The following CUBN variants were observed in gnomAD, a reference collection of about 807,000 sequenced individuals.
CUBN encodes the protein cubilin, also known as 460 kDa receptor.
In CUBN, 282 loss-of-function variants were observed where a neutral mutation model predicts 405.3. The ratio of observed to expected loss-of-function variants is 0.70; its 90% CI spans 0.63 to 0.77. The LOEUF (loss-of-function observed/expected upper bound fraction) is 0.77. CUBN is among the 30% of genes least tolerant of loss of function. The probability of loss-of-function intolerance (pLI) is 0.00; values close to 1 mark genes in which losing one functional copy is unlikely to be tolerated. For synonymous variants in CUBN, 1,684 were observed against 1,617.0 expected (o/e 1.04, Z -0.99); for missense variants, 4,514 against 4,475.2 (o/e 1.01, Z -0.25).
At chr10:17,103,080 A>G (rs1283396222) in intron 13 of CUBN, 45 bp downstream of exon 13, 5 of 997,408 alleles carry the variant, frequency 5.0e-6, no homozygotes, top group East Asian at 2.5e-5. Flanking sequence ...CCATATTTAT[A>G]TATACAAATA....
chr10:16,902,555 G>A (rs1003977678), intron 51 of CUBN, among the ~76,000 whole-genome samples: 2 of 151,818 alleles, frequency 1.3e-5, no homozygotes, highest in South Asian at 4.2e-4. Flanking sequence ...ACTCTTCTTT[G>A]AATCTGATGA....
In CUBN at chr10:16,835,189, T is replaced by C. The variant is rs780850360; in HGVS notation, c.10187A>G (p.Asn3396Ser). The C allele has an allele frequency of 3.7e-6, 6 of 1,613,558 alleles. No individual in the cohort carries two copies. In the Admixed American group the frequency reaches 6.7e-5, roughly 18 times the overall value. The stretch of plus-strand genomic sequence containing the variant: ...GCCAAATGCCTTGTGATAGTCTCTG[T>C]TGCAATCTTAGAGGAAAAATAGGCA... ...MSFTYQIADC[N>S]RDYHKAFGNL... is the part of the protein sequence containing the mutation. Residue 3396 changes from asparagine to serine, a missense_variant, in exon 64 of 67, where the codon AAC (asparagine) becomes AGC (serine). This residue lies in a region of CUBN where 1,186 missense variants were observed against 1,186.9 expected (regional missense o/e 1.00). Coordinates refer to ENST00000377833, the MANE Select transcript of CUBN (RefSeq NM_001081.4).
chr10:17,044,674 G>A (rs969269698), intron 25 of CUBN, among the ~76,000 whole-genome samples: 1 of 151,962 alleles, frequency 6.6e-6, no homozygotes, highest in African/African-American at 2.4e-5. Flanking sequence ...TCTCTACTTC[G>A]CCAAAACTGT....
At chr10:16,987,745 G>GA (rs1213231420) in intron 29 of CUBN, among the ~76,000 whole-genome samples, 1 of 152,190 alleles carries the variant, frequency 6.6e-6, no homozygotes, top group East Asian at 1.9e-4. Flanking sequence ...AGGGAGGGGT[G>GA]AAAAAAACCA....
chr10:16,948,431 T>C (rs768618330), intron 35 of CUBN, 47 bp downstream of exon 35: 1 of 1,611,956 alleles, frequency 6.2e-7, no homozygotes, highest in Non-Finnish European at 8.5e-7. Flanking sequence ...CAAGAATTTC[T>C]ACCACATCCC....
In CUBN at chr10:17,010,241, G is replaced by C. The variant is rs376067956; in HGVS notation, c.4168+9592C>G. Among the ~76,000 whole-genome samples the C allele has an allele frequency of 6.6e-4, 101 of 152,294 alleles. 1 individual carries two copies. Among genetic ancestry groups the C allele is most frequent in the African/African-American group, 2.3e-3 (95 of 41,546 alleles). On this transcript the variant is annotated intron_variant, in intron 28 of 66. Coordinates refer to ENST00000377833, the MANE Select transcript of CUBN (RefSeq NM_001081.4). ...TCTCTTTTCACACTGTCTCTAGTTA[G>C]AATCATGTGTTTCAGAATCACGGAA...
chr10:16,933,812 C>T (rs1842425101), intron 39 of CUBN, among the ~76,000 whole-genome samples: 1 of 152,052 alleles, frequency 6.6e-6, no homozygotes, highest in Non-Finnish European at 1.5e-5. Context: ...ATCTCCTTCC[C>T]CATTTTTTCC....
chr10:17,117,827 A>G (rs1289301226), intron 6 of CUBN, among the ~76,000 whole-genome samples: 1 of 152,146 alleles, frequency 6.6e-6, no homozygotes, highest in African/African-American at 2.4e-5. Flanking sequence ...CTAGGTTTAA[A>G]TTTTGGTCCT....
intron 63 of CUBN, 91 bp downstream of exon 63, chr10:16,836,144 G>A (rs1243634002): frequency 2.4e-6 from 3 of 1,245,870 alleles, no homozygotes; most frequent in Non-Finnish European, 3.5e-6. Flanking sequence ...TTTACTCACA[G>A]GAGTCAATTC....
At chr10:16,877,878 C>T (rs1218823495) in intron 56 of CUBN, among the ~76,000 whole-genome samples, 1 of 152,194 alleles carries the variant, frequency 6.6e-6, no homozygotes, top group East Asian at 1.9e-4. Flanking sequence ...AAAATATTAA[C>T]TTGGATCATA....
At chr10:16,916,976 G>A (rs1001343390) in intron 45 of CUBN, among the ~76,000 whole-genome samples, 6 of 151,738 alleles carry the variant, frequency 4.0e-5, no homozygotes, top group Non-Finnish European at 7.4e-5. Flanking sequence ...ACCATGCCTG[G>A]CTAATTTTTG....
intron 17 of CUBN, among the ~76,000 whole-genome samples, chr10:17,081,935 C>A (rs1475684975): frequency 6.6e-6 from 1 of 151,104 alleles, no homozygotes; most frequent in Admixed American, 6.6e-5. Flanking sequence ...TTTAAATCAC[C>A]GTACATGACC....
rs772750911 is a variant in CUBN at position 16,982,621 on chromosome 10, C to T, written c.4558G>A (p.Glu1520Lys). 3.7e-6 allele frequency: 6 copies of T among 1,613,438 alleles called. No homozygotes were observed. In the East Asian group the frequency reaches 1.1e-4, roughly 30 times the overall value. The change falls in exon 31 of 67, where the codon GAG becomes AAG. Residue 1520 changes from glutamate (E) to lysine (K), a missense_variant. By Grantham distance (56) the Glu-to-Lys change is moderately conservative (BLOSUM62 1). Transcript: ENST00000377833. ...CTGGGGTAATTTGGAGAATGAATCT[C>T]TCCACTGGGAGCCTGGAAAATCCCA... ...CGGIFQAPSG[E>K]IHSPNYPSPY...
intron 65 of CUBN, among the ~76,000 whole-genome samples, chr10:16,830,596 C>A (rs949851186): frequency 1.3e-5 from 2 of 152,088 alleles, no homozygotes; most frequent in African/African-American, 4.8e-5. Flanking sequence ...CATATATATG[C>A]CAGAATGTGT....
rs1292334021 is a variant in CUBN, at chr10:16,876,923, C to T, written c.9080G>A (p.Gly3027Glu). 1.2e-6 allele frequency: 2 copies of T among 1,614,122 alleles called. No homozygotes were observed. Among genetic ancestry groups the T allele is most frequent in the South Asian group, 1.1e-5 (1 of 91,070 alleles). Residue 3027 changes from glycine (G) to glutamate (E), a missense_variant, in exon 57 of 67, where the codon GGA (glycine) becomes GAA (glutamate). Gly to Glu is a moderately conservative substitution (Grantham distance 98, BLOSUM62 -2). Coordinates refer to ENST00000377833, the MANE Select transcript of CUBN (RefSeq NM_001081.4). ...FYSNEQITDF[G>E]FKFSYRIISC... ...GATTATCCTATAGGAAAACTTGAATCCGAAGTCTGTGATTTGCTCGTTGGA... is the reference window on the plus strand; with the variant it reads ...GATTATCCTATAGGAAAACTTGAATTCGAAGTCTGTGATTTGCTCGTTGGA...
chr10:17,009,464 C>G (rs1242889233), intron 28 of CUBN, among the ~76,000 whole-genome samples: 1 of 152,220 alleles, frequency 6.6e-6, no homozygotes, highest in Non-Finnish European at 1.5e-5. Context: ...CCCATTGATA[C>G]AGTAATCTGG....
intron 36 of CUBN, among the ~76,000 whole-genome samples, chr10:16,945,515 C>T (rs978730697): frequency 6.6e-6 from 1 of 152,028 alleles, no homozygotes; most frequent in Non-Finnish European, 1.5e-5. Context: ...TGCCTGTAAT[C>T]CCAGCACTTT....
chr10:16,840,938 C>T lies in CUBN; in HGVS notation c.9773G>A (p.Ser3258Asn). The T allele has an allele frequency of 1.2e-6, 2 of 1,613,632 alleles. No homozygotes were observed. Among genetic ancestry groups the T allele is most frequent in the Non-Finnish European group, 1.7e-6 (2 of 1,179,724 alleles). Reference sequence around the variant, plus strand: ...TCCTTCCCTCTCTAATGTTAAGTCACTGATGAATTGAACCGTAAGGAAGTT... The same window carrying T: ...TCCTTCCCTCTCTAATGTTAAGTCATTGATGAATTGAACCGTAAGGAAGTT... ...SGNFLTVQFISDLTLEREGFN... is the reference protein window; with the variant it reads ...SGNFLTVQFINDLTLEREGFN... Residue 3258 changes from serine (S) to asparagine (N), a missense_variant, in exon 61 of 67, where the codon AGT becomes AAT. Transcript: ENST00000377833.
intron 31 of CUBN, among the ~76,000 whole-genome samples, chr10:16,961,856 C>T (rs1489110615): frequency 2.6e-5 from 4 of 151,750 alleles, no homozygotes; most frequent in Admixed American, 2.0e-4. Flanking sequence ...GGACTACAGG[C>T]GCCCGCCACT....
Sources: allele counts gnomAD v4.1 joint callset (sites outside exome capture counted in the v4.1 genomes callset), GRCh38; gene constraint gnomAD v4.1.1; regional missense constraint gnomAD v4.1.1; transcripts MANE v1.5; gene names NCBI Gene and HGNC (gene_info 2026-07-23, HGNC 2026-07-21).